DEPTOR: variants seen among roughly 807,000 people sequenced by gnomAD.
The protein encoded by DEPTOR is DEP domain containing MTOR interacting protein, also known as DEP domain-containing mTOR-interacting protein.
In DEPTOR, 41 loss-of-function variants were observed where a neutral mutation model predicts 41.6. The observed-to-expected ratio is 0.98, with a 90% CI of 0.77 to 1.28. DEPTOR has a LOEUF of 1.28. Ranked by LOEUF, DEPTOR falls within the 50% of genes most tolerant of loss-of-function variation. The pLI, the probability that DEPTOR is intolerant of heterozygous loss-of-function variation, is 0.00. For missense variants in DEPTOR, 514 were observed against 527.9 expected (o/e 0.97, Z 0.26); for synonymous variants, 195 against 192.3 (o/e 1.01, Z -0.12).
Position 119,883,473 on chromosome 8 carries a change from T to TA in DEPTOR, c.122+9528dup, listed in dbSNP as rs386413817. On this transcript the variant is annotated intron_variant, in intron 1 of 8. Transcript: ENST00000286234. ...CTGGGCGACAGAGCGAGACTCGTCT[T>TA]AAAAAAAAAAAAAAAAAAAAAAAGA... Among the ~76,000 whole-genome samples, 970 of 112,064 alleles carry TA rather than the reference T, an allele frequency of 8.7e-3. 20 individuals carry two copies. Among genetic ancestry groups the TA allele is most frequent in the African/African-American group, 0.028 (799 of 28,360 alleles). The allele number at this position is 112,064 out of a possible 152,430, so 73.5% of individuals were successfully genotyped here. A position where few individuals can be genotyped will look rare whatever the true frequency, so the allele number is the denominator to read the frequency against.
intron 4 of DEPTOR, among the ~76,000 whole-genome samples, chr8:119,977,258 C>T (rs1828708540): frequency 6.6e-6 from 1 of 152,160 alleles, no homozygotes; most frequent in Admixed American, 6.5e-5. Flanking sequence ...CCGCCCTAGC[C>T]TCCCAAAGTA....
chr8:120,006,263 C>T (rs868698402), intron 6 of DEPTOR, among the ~76,000 whole-genome samples: 4 of 152,096 alleles, frequency 2.6e-5, no homozygotes, highest in Non-Finnish European at 5.9e-5. Flanking sequence ...GCGGCTCATG[C>T]GTGTAATCCC....
intron 3 of DEPTOR, among the ~76,000 whole-genome samples, chr8:119,947,572 G>A (rs574892365): frequency 2.6e-5 from 4 of 152,114 alleles, no homozygotes; most frequent in African/African-American, 9.7e-5. Flanking sequence ...ATATATAAGA[G>A]CAGTTCCCAG....
chr8:119,885,420 G>T (rs1487394217), intron 1 of DEPTOR, among the ~76,000 whole-genome samples: 1 of 152,116 alleles, frequency 6.6e-6, no homozygotes, highest in Non-Finnish European at 1.5e-5. Context: ...GGTTTTGAGG[G>T]AATTACCTAA....
intron 8 of DEPTOR, among the ~76,000 whole-genome samples, chr8:120,020,608 T>C (rs1207148214): frequency 6.6e-6 from 1 of 152,190 alleles, no homozygotes; most frequent in Non-Finnish European, 1.5e-5. Flanking sequence ...TGTGTTCACG[T>C]AGGGCTTGAG....
intron 8 of DEPTOR, among the ~76,000 whole-genome samples, chr8:120,029,844 G>A (rs185942891): frequency 2.6e-4 from 39 of 152,302 alleles, no homozygotes; most frequent in African/African-American, 9.1e-4. Context: ...TATTAAATGG[G>A]CCTTACTCTT....
rs187488710 is a variant in DEPTOR at position 119,986,433 on chromosome 8, G to A, written c.605-15092G>A. Among the ~76,000 whole-genome samples the A allele has an allele frequency of 5.6e-3, 845 of 152,164 alleles. 16 individuals are homozygous for A. The highest frequency in any genetic ancestry group is 0.03 in the Admixed American group (461 of 15,274). ...ATGGGCTTCCCTTTGTGGGTAACCC[G>A]ACCTTTCTCTCTGGCTGCCCTTAAT... On this transcript the variant is annotated intron_variant, in intron 4 of 8. Transcript: ENST00000286234.
chr8:120,030,500 T>TG (rs1231166400), intron 8 of DEPTOR, among the ~76,000 whole-genome samples: 13 of 78,374 alleles, frequency 1.7e-4, no homozygotes, highest in South Asian at 9.2e-4. Context: ...TTCATCAGTT[T>TG]TTTTTTTTTT....
In DEPTOR at chr8:119,915,987, G is replaced by A. The variant is rs534203442; in HGVS notation, c.123-12413G>A. On this transcript the variant is annotated intron_variant, in intron 1 of 8. Transcript: ENST00000286234. ...AAAAAAGCTGAAATGCTACTTAGTGGCCTCTTGATGGCACTTCTGGCAAAA... is the reference window on the plus strand; with the variant it reads ...AAAAAAGCTGAAATGCTACTTAGTGACCTCTTGATGGCACTTCTGGCAAAA... 7.7e-4 allele frequency among the ~76,000 whole-genome samples: 116 copies of A among 150,214 alleles called. 2 individuals carry two copies. Among genetic ancestry groups the A allele is most frequent in the Admixed American group, 7.3e-3 (110 of 15,006 alleles).
At chr8:119,875,219 T>C (rs7465526) in intron 1 of DEPTOR, among the ~76,000 whole-genome samples, 128,268 of 152,136 alleles carry the variant, frequency 0.84, 54,201 homozygotes, top group East Asian at 0.97. Context: ...ACCGAACAAG[T>C]TTTGTGTGAG....
At position 119,926,957 on chromosome 8, in the gene DEPTOR, C is replaced by T. The variant is rs1827971659; in HGVS notation, c.123-1443C>T. Among the ~76,000 whole-genome samples the T allele has an allele frequency of 3.3e-5, 5 of 152,248 alleles. No individual in the cohort carries two copies. In the South Asian group the frequency reaches 6.2e-4, roughly 19 times the overall value. On this transcript the variant is annotated intron_variant, in intron 1 of 8. Transcript: ENST00000286234. Reference sequence around the variant, plus strand: ...CAAAATAGATGTCATAAATTCCATGCCCAAAATGCTCATTTTCTTTCTTCG... The same window carrying T: ...CAAAATAGATGTCATAAATTCCATGTCCAAAATGCTCATTTTCTTTCTTCG...
chr8:119,998,508 G>A (rs1040606365), intron 4 of DEPTOR, among the ~76,000 whole-genome samples: 7 of 152,074 alleles, frequency 4.6e-5, no homozygotes, highest in Admixed American at 3.9e-4. Flanking sequence ...TTTTGCTTCT[G>A]GGGGAAAGTT....
At chr8:119,892,955 G>T (rs1208878999) in intron 1 of DEPTOR, among the ~76,000 whole-genome samples, 1 of 152,064 alleles carries the variant, frequency 6.6e-6, no homozygotes, top group Non-Finnish European at 1.5e-5. Flanking sequence ...GCTAAATTTT[G>T]TATTTTTAGT....
chr8:119,917,459 T>A (rs1586613639), intron 1 of DEPTOR, among the ~76,000 whole-genome samples: 1 of 152,336 alleles, frequency 6.6e-6, no homozygotes, highest in African/African-American at 2.4e-5. Flanking sequence ...ATGTGGTGTG[T>A]CAACTCAGGA....
intron 1 of DEPTOR, chr8:119,874,365 G>C (rs886672474): frequency 8.2e-6 from 2 of 243,330 alleles, no homozygotes; most frequent in Admixed American, 6.2e-5. Flanking sequence ...GTGGGGTCCC[G>C]AGGCGACCCC....
intron 1 of DEPTOR, among the ~76,000 whole-genome samples, chr8:119,921,194 C>A (rs1827888716): frequency 6.6e-6 from 1 of 152,172 alleles, no homozygotes; most frequent in Non-Finnish European, 1.5e-5. Flanking sequence ...CCAGGTTGGT[C>A]TCGAACTCCT....
At chr8:119,975,637 GA>G (rs1828687521) in intron 4 of DEPTOR, among the ~76,000 whole-genome samples, 1 of 152,102 alleles carries the variant, frequency 6.6e-6, no homozygotes, top group Non-Finnish European at 1.5e-5. Context: ...TCAGTATACT[GA>G]CTTATCAGGG....
chr8:120,027,705 CAA>C (rs1274523197), intron 8 of DEPTOR, among the ~76,000 whole-genome samples: 1 of 132,862 alleles, frequency 7.5e-6, no homozygotes, highest in Non-Finnish European at 1.6e-5. Context: ...GACTCCAGCT[CAA>C]AAAAAAAAAA....
chr8:120,006,968 A>C, intron 7 of DEPTOR, 93 bp downstream of exon 7: 3 of 1,203,762 alleles, frequency 2.5e-6, no homozygotes, highest in Non-Finnish European at 3.6e-6. Context: ...TGAAATGAAA[A>C]CTACTTTTCT....
Sources: allele counts gnomAD v4.1 joint callset (sites outside exome capture counted in the v4.1 genomes callset), GRCh38; gene constraint gnomAD v4.1.1; transcripts MANE v1.5; gene names NCBI Gene and HGNC (gene_info 2026-07-23, HGNC 2026-07-21).